Variants in FGD5 observed in about 807,000 individuals in gnomAD.
FGD5 encodes the protein FYVE, RhoGEF and PH domain containing 5.
A neutral mutation model predicts 133.4 loss-of-function variants in FGD5; 28 were observed. That is an observed-to-expected ratio of 0.21 (90% CI 0.16 to 0.29). The LOEUF (loss-of-function observed/expected upper bound fraction) is 0.29, where lower values mean the gene tolerates loss of function less well. FGD5 is among the 10% of genes least tolerant of loss of function. FGD5 has a pLI of 1.00. For synonymous variants in FGD5, 810 were observed against 776.5 expected (o/e 1.04, Z -0.72); for missense variants, 1,858 against 1,895.2 (o/e 0.98, Z 0.36).
chr3:14,866,781 C>T (rs1280658500), intron 2 of FGD5, among the ~76,000 whole-genome samples: 2 of 152,198 alleles, frequency 1.3e-5, no homozygotes, highest in Non-Finnish European at 2.9e-5. Flanking sequence ...CAGTGACGCA[C>T]TGGGGTCATG....
chr3:14,878,725 C>CTT (rs571884717), intron 2 of FGD5, among the ~76,000 whole-genome samples: 218 of 133,586 alleles, frequency 1.6e-3, no homozygotes, highest in East Asian at 5.9e-3. Flanking sequence ...AAAGCCCATG[C>CTT]TTTTTTTTTT....
At chr3:14,907,536 C>G in intron 9 of FGD5, 104 bp from the exon 10 acceptor site, 2 of 1,083,984 alleles carry the variant, frequency 1.8e-6, no homozygotes, top group Non-Finnish European at 2.7e-6. Context: ...CCTTTCCGGG[C>G]TTCATTTTTG....
At position 14,820,844 on chromosome 3, in the gene FGD5, C is replaced by A; in HGVS notation, c.1773C>A (p.Ser591=). The A allele has an allele frequency of 6.2e-7, 1 of 1,613,790 alleles. No homozygotes were observed. The highest frequency in any genetic ancestry group is 8.5e-7 in the Non-Finnish European group (1 of 1,179,832). ...DNLSLSCVIG[S]SGSFSQRNHL... ...TCTCTCTGTCGTGTGTAATTGGCTC[C>A]TCTGGGAGTTTCTCCCAGAGAAACC... Residue 591 remains serine, a synonymous_variant, in exon 1 of 20, where the codon TCC becomes TCA. Coordinates refer to ENST00000285046, the MANE Select transcript of FGD5 (RefSeq NM_152536.4).
At position 14,819,638 on chromosome 3, in the gene FGD5, C is replaced by G; in HGVS notation, c.567C>G (p.Val189=). The G allele has an allele frequency of 1.3e-6, 2 of 1,550,422 alleles. No individual in the cohort carries two copies. Among genetic ancestry groups the G allele is most frequent in the Non-Finnish European group, 1.7e-6 (2 of 1,146,488 alleles). ...GTGGGCCTTGGGCTGGAGAGGGGGT[C>G]TTCCAGAGCGACCTCCTCCTGCCTC... ...EDSGPWAGEG[V]FQSDLLLPHI... Residue 189 remains valine (V), a synonymous_variant, in exon 1 of 20, where the codon GTC becomes GTG. Transcript: ENST00000285046. The surrounding 1 kb of genome is among the most constrained non-coding windows in gnomAD (Gnocchi z 4.1).
chr3:14,886,005 C>T (rs2037918682), intron 4 of FGD5, among the ~76,000 whole-genome samples: 1 of 152,148 alleles, frequency 6.6e-6, no homozygotes, highest in East Asian at 1.9e-4. Context: ...ACTCAATTAC[C>T]ATGGCTTAAG....
intron 11 of FGD5, among the ~76,000 whole-genome samples, chr3:14,916,202 G>C (rs2038550707): frequency 6.6e-6 from 1 of 152,224 alleles, no homozygotes; most frequent in Non-Finnish European, 1.5e-5. Context: ...AGTAATGGTG[G>C]TGGTGTCTCC....
intron 9 of FGD5, among the ~76,000 whole-genome samples, chr3:14,903,882 C>T (rs964396098): frequency 1.8e-4 from 28 of 152,104 alleles, no homozygotes; most frequent in Admixed American, 6.5e-5. Flanking sequence ...CCTTAGGCTC[C>T]CCTTGACTGC....
At chr3:14,838,867 C>A (rs1442405302) in intron 1 of FGD5, among the ~76,000 whole-genome samples, 1 of 152,148 alleles carries the variant, frequency 6.6e-6, no homozygotes, top group African/African-American at 2.4e-5. Flanking sequence ...GGAGAAAATG[C>A]AATAGAACCA....
chr3:14,876,516 T>G (rs1202294558), intron 2 of FGD5, among the ~76,000 whole-genome samples: 2 of 151,476 alleles, frequency 1.3e-5, no homozygotes, highest in Non-Finnish European at 2.9e-5. Context: ...AGCACTTTTA[T>G]GCAAAAAATA....
At chr3:14,926,712 C>T (rs2038811552) in intron 18 of FGD5, among the ~76,000 whole-genome samples, 1 of 152,176 alleles carries the variant, frequency 6.6e-6, no homozygotes. Flanking sequence ...AAGCTTACTT[C>T]CAGAGTAGAC....
intron 11 of FGD5, among the ~76,000 whole-genome samples, chr3:14,913,863 A>G (rs769714402): frequency 1.3e-5 from 2 of 151,882 alleles, no homozygotes; most frequent in Admixed American, 6.6e-5. Flanking sequence ...CTCAGATAGC[A>G]CCTTCTATGG....
At chr3:14,919,188 TTG>T (rs1292162613) in intron 13 of FGD5, among the ~76,000 whole-genome samples, 1 of 152,176 alleles carries the variant, frequency 6.6e-6, no homozygotes, top group Non-Finnish European at 1.5e-5. Flanking sequence ...AAAAAATGTA[TTG>T]TGTGCTGCTG....
At position 14,901,938 on chromosome 3, in the gene FGD5, G is replaced by A. The variant is rs576873313; in HGVS notation, c.3264+877G>A. ...CATGATAGATGTCATGGGAGAGAAT[G>A]CCACAGGGTTCAGAGAAGGGAGGTG... On this transcript the variant is annotated intron_variant, in intron 9 of 19. Coordinates refer to ENST00000285046, the MANE Select transcript of FGD5 (RefSeq NM_152536.4). Among the ~76,000 whole-genome samples the A allele has an allele frequency of 9.2e-5, 14 of 152,278 alleles. No individual in the cohort carries two copies. The East Asian group carries it at 2.5e-3, about 27-fold the overall frequency.
At position 14,819,174 on chromosome 3, in the gene FGD5, A is replaced by G; in HGVS notation, c.103A>G (p.Ser35Gly). The G allele has an allele frequency of 6.4e-7, 1 of 1,551,638 alleles. No individual in the cohort carries two copies. The highest frequency in any genetic ancestry group is 1.4e-5 in the African/African-American group (1 of 73,186). ...VYLNDSLNKC[S>G]NGRLPCVDRG... ...CCTGAATGACAGCTTGAACAAATGCAGCAACGGGCGGCTGCCCTGTGTAGA... is the reference window on the plus strand; with the variant it reads ...CCTGAATGACAGCTTGAACAAATGCGGCAACGGGCGGCTGCCCTGTGTAGA... The change falls in exon 1 of 20, where the codon AGC (serine) becomes GGC (glycine). Residue 35 changes from serine (S) to glycine (G), a missense_variant. Ser to Gly is a moderately conservative substitution (Grantham distance 56). This residue lies in a region of FGD5 where 5 missense variants were observed against 18.7 expected (regional missense o/e 0.27). Coordinates refer to ENST00000285046, the MANE Select transcript of FGD5 (RefSeq NM_152536.4). This position sits in a 1 kb window ranked among gnomAD's most constrained non-coding sequence, Gnocchi z 4.1.
chr3:14,832,476 G>A (rs1413477528), intron 1 of FGD5, among the ~76,000 whole-genome samples: 1 of 152,166 alleles, frequency 6.6e-6, no homozygotes, highest in African/African-American at 2.4e-5. Context: ...TTTAACCCAG[G>A]CAGTTTCCAG....
At position 14,821,380 on chromosome 3, in the gene FGD5, A is replaced by G; in HGVS notation, c.2309A>G (p.Asp770Gly). The G allele has an allele frequency of 1.2e-6, 2 of 1,613,962 alleles. No homozygotes were observed. Among genetic ancestry groups the G allele is most frequent in the Non-Finnish European group, 1.7e-6 (2 of 1,179,892 alleles). ...KPRSISFPSA[D>G]TSDYENIPAM... The stretch of plus-strand genomic sequence containing the variant: ...CGGTCCATCTCCTTCCCCAGCGCTG[A>G]CACTTCAGACTATGAGAACATTCCA... The change falls in exon 1 of 20, where the codon GAC (aspartate) becomes GGC (glycine). Residue 770 changes from aspartate to glycine, a missense_variant. Around this residue, in one of 3 missense-constraint regions of FGD5, gnomAD observed 1,824 missense variants for 1,848.9 expected, o/e 0.99. Transcript: ENST00000285046.
rs550133548 is a variant in FGD5 at position 14,824,148 on chromosome 3, A to T, written c.2525+2552A>T. 9.8e-5 allele frequency among the ~76,000 whole-genome samples: 15 copies of T among 152,370 alleles called. No individual in the cohort carries two copies. In the East Asian group the frequency reaches 2.7e-3, roughly 27 times the overall value. On this transcript the variant is annotated intron_variant, in intron 1 of 19. Transcript: ENST00000285046. ...ATACAGGAACCACATCCTCTTGGAC[A>T]TCAGTCAGTGAGCAAAGCTTTCTTC...
At position 14,933,332 on chromosome 3, in the gene FGD5, T is replaced by C; in HGVS notation, c.*165T>C. The C allele has an allele frequency of 1.4e-6, 1 of 702,128 alleles. No homozygotes were observed. Among genetic ancestry groups the C allele is most frequent in the Non-Finnish European group, 2.5e-6 (1 of 398,028 alleles). 43.5% of individuals were successfully genotyped at this position (702,128 alleles called of 1,614,324 possible). On this transcript the variant is annotated 3_prime_UTR_variant, in exon 20 of 20. Transcript: ENST00000285046. ...CACCACTCCCCTGCCCTTGCCAACA[T>C]CTTCATGAATGGAATCCTTAAGGGA... is the stretch of plus-strand genomic sequence containing the variant.
rs530584538 is a variant in FGD5 at position 14,932,759 on chromosome 3, G to A, written c.4352+28G>A. 5 of 1,602,294 alleles carry A rather than the reference G, an allele frequency of 3.1e-6. No homozygotes were observed. The African/African-American group carries it at 5.4e-5, about 17-fold the overall frequency. ...ACGAAAAGAACTAATTAGTCTTATA[G>A]CTTTTTGTTCTCTCAGAAGGCAACA... is the stretch of plus-strand genomic sequence containing the variant. On this transcript the variant is annotated intron_variant, in intron 19 of 19. Transcript: ENST00000285046.
Sources: gnomAD v4.1 joint callset for allele counts (sites outside exome capture counted in the v4.1 genomes callset) on GRCh38, gnomAD v4.1.1 for gene constraint, gnomAD v4.1.1 regional missense constraint, Gnocchi (gnomAD v3.1) non-coding constraint, MANE v1.5 for transcripts, NCBI Gene and HGNC (gene_info 2026-07-23, HGNC 2026-07-21) for gene names.